Variants in LOXHD1 observed in about 807,000 individuals in gnomAD.
LOXHD1 encodes the protein lipoxygenase homology PLAT domains 1.
In LOXHD1, 205 loss-of-function variants were observed where a neutral mutation model predicts 248.2. That is an observed-to-expected ratio of 0.83 (90% CI 0.74 to 0.93). The LOEUF (loss-of-function observed/expected upper bound fraction) is 0.93. LOXHD1 is among the 40% of genes least tolerant of loss of function. The pLI is 0.00. For missense variants in LOXHD1, 2,930 were observed against 2,971.6 expected, an observed-to-expected ratio of 0.99 and a Z score of 0.33; for synonymous variants, 1,113 against 1,162.8, an observed-to-expected ratio of 0.96 and a Z score of 0.87.
At chr18:46,548,826 A>G (rs532986671) in intron 21 of LOXHD1, among the ~76,000 whole-genome samples, 2 of 152,320 alleles carry the variant, frequency 1.3e-5, no homozygotes, top group South Asian at 2.1e-4. Context: ...AAGCCCTCCC[A>G]TGCATACAAA....
intron 8 of LOXHD1, 62 bp downstream of exon 8, chr18:46,601,155 C>T: frequency 1.3e-6 from 2 of 1,512,838 alleles, no homozygotes; most frequent in Non-Finnish European, 1.8e-6. Flanking sequence ...AAAGTTTGTA[C>T]TTGCAAGTTA....
chr18:46,604,886 A>C (rs1055756301), intron 6 of LOXHD1, among the ~76,000 whole-genome samples: 2 of 152,204 alleles, frequency 1.3e-5, no homozygotes, highest in African/African-American at 4.8e-5. Flanking sequence ...GATAAGTAGA[A>C]TTGTTAATAG....
intron 37 of LOXHD1, among the ~76,000 whole-genome samples, chr18:46,500,997 T>C (rs1197993890): frequency 6.6e-6 from 1 of 152,180 alleles, no homozygotes; most frequent in Non-Finnish European, 1.5e-5. Context: ...TTTAAATTAA[T>C]TACTTGTTTA....
At chr18:46,626,691 G>A (rs531127063) in intron 4 of LOXHD1, among the ~76,000 whole-genome samples, 2 of 152,126 alleles carry the variant, frequency 1.3e-5, no homozygotes, top group African/African-American at 2.4e-5. Flanking sequence ...TTTAAAGAAT[G>A]GGAAGGAAAT....
intron 5 of LOXHD1, among the ~76,000 whole-genome samples, chr18:46,613,882 T>C (rs1422791469): frequency 6.6e-6 from 1 of 152,090 alleles, no homozygotes; most frequent in Non-Finnish European, 1.5e-5. Context: ...CCCTACAGAG[T>C]AGAAATTATT....
chr18:46,522,200 G>C lies in LOXHD1; in HGVS notation c.4986C>G (p.Ile1662Met). 1.3e-6 allele frequency: 2 copies of C among 1,551,774 alleles called. No individual in the cohort carries two copies. The highest frequency in any genetic ancestry group is 1.7e-6 in the Non-Finnish European group (2 of 1,147,010). Residue 1662 changes from isoleucine to methionine, a missense_variant, in exon 32 of 41, where the codon ATC (isoleucine) becomes ATG (methionine). Coordinates refer to ENST00000642948, the MANE Select transcript of LOXHD1 (RefSeq NM_001384474.1). ...TCTTCCCTCGGGGGTAGTCCAACCA[G>C]ATGCGCTTACTACGTTCATCATCCT... is the stretch of plus-strand genomic sequence containing the variant. Reference protein sequence around the residue: ...IGEDDERSKRIWLDYPRGKRG... With the variant: ...IGEDDERSKRMWLDYPRGKRG...
intron 21 of LOXHD1, among the ~76,000 whole-genome samples, chr18:46,553,732 G>A (rs2037203455): frequency 6.6e-6 from 1 of 152,176 alleles, no homozygotes; most frequent in Admixed American, 6.5e-5. Flanking sequence ...CTTTTTGTAG[G>A]TCAGATGATA....
chr18:46,648,554 T>C (rs2039063233), intron 2 of LOXHD1, among the ~76,000 whole-genome samples: 1 of 152,186 alleles, frequency 6.6e-6, no homozygotes, highest in African/African-American at 2.4e-5. Flanking sequence ...TGTTCTCAGG[T>C]TTTGCATGTA....
chr18:46,490,766 C>T (rs528483423), intron 37 of LOXHD1, among the ~76,000 whole-genome samples: 26 of 152,346 alleles, frequency 1.7e-4, no homozygotes, highest in African/African-American at 5.5e-4. Context: ...TGAGCCACCT[C>T]GCCCGGCGGT....
chr18:46,604,184 G>T lies in LOXHD1; in HGVS notation c.805C>A (p.Leu269Ile). ...IGNKRKYDFP[L>I]NRWLALDEDD... ...TCGTCCAAGGCCAGCCAGCGGTTAA[G>T]GGGGAAGTCATATTTTCTTTTGTTC... Residue 269 changes from leucine to isoleucine, a missense_variant, in exon 7 of 41, where the codon CTT becomes ATT. Transcript: ENST00000642948. The T allele has an allele frequency of 1.3e-6, 2 of 1,551,768 alleles. No individual in the cohort carries two copies. Among genetic ancestry groups the T allele is most frequent in the Non-Finnish European group, 1.7e-6 (2 of 1,147,004 alleles).
In LOXHD1 at chr18:46,592,038, T is replaced by C; in HGVS notation, c.1549A>G (p.Lys517Glu). ...MTLMNTLNKD[K>E]YNFNCNRWLD... ...CAGCGGTTGCAATTGAAGTTGTACT[T>C]GTCTTTGTTCAGAGTGTTCATCAGG... Residue 517 changes from lysine (K) to glutamate (E), a missense_variant, in exon 12 of 41, where the codon AAG becomes GAG. Transcript: ENST00000642948. 1 of 1,552,304 alleles carries C rather than the reference T, an allele frequency of 6.4e-7. No homozygotes were observed. The highest frequency in any genetic ancestry group is 1.2e-5 in the South Asian group (1 of 84,070).
chr18:46,560,680 G>T, intron 18 of LOXHD1, 135 bp from the exon 19 acceptor site: 1 of 801,620 alleles, frequency 1.2e-6, no homozygotes, highest in Non-Finnish European at 1.9e-6. Context: ...GGGCCTCTGT[G>T]CTCAGATCCT....
chr18:46,588,076 A>T (rs537199183), intron 12 of LOXHD1, among the ~76,000 whole-genome samples: 1 of 152,224 alleles, frequency 6.6e-6, no homozygotes, highest in East Asian at 1.9e-4. Context: ...GTCTTTACAC[A>T]TTATACATTT....
intron 15 of LOXHD1, among the ~76,000 whole-genome samples, chr18:46,570,441 A>T (rs2037730246): frequency 6.6e-6 from 1 of 152,198 alleles, no homozygotes; most frequent in African/African-American, 2.4e-5. Flanking sequence ...TCCTCCCACT[A>T]GGCAGAAGGA....
chr18:46,546,072 T>C lies in LOXHD1; in HGVS notation c.3515-651A>G, dbSNP rs145014695. Among the ~76,000 whole-genome samples, 1,020 of 152,058 alleles carry C rather than the reference T, an allele frequency of 6.7e-3. 11 individuals are homozygous for C. The highest frequency in any genetic ancestry group is 0.023 in the African/African-American group (965 of 41,468). ...TCAATCAATAGAGTTGATAGGATGG[T>C]TAGGGGATACTTTGAGGGTCAGAGG... On this transcript the variant is annotated intron_variant, in intron 22 of 40. Coordinates refer to ENST00000642948, the MANE Select transcript of LOXHD1 (RefSeq NM_001384474.1).
intron 20 of LOXHD1, chr18:46,557,804 G>A: frequency 8.2e-7 from 1 of 1,224,252 alleles, no homozygotes; most frequent in Non-Finnish European, 1.1e-6. Flanking sequence ...ATCTGTGGTG[G>A]GTGTTTTGTG....
At chr18:46,542,956 G>A (rs2144373583) in intron 23 of LOXHD1, 101 bp from the exon 24 acceptor site, 1 of 1,477,474 alleles carries the variant, frequency 6.8e-7, no homozygotes, top group Non-Finnish European at 9.2e-7. Flanking sequence ...CCAAATTTCT[G>A]AACTTCCACC....
intron 4 of LOXHD1, among the ~76,000 whole-genome samples, chr18:46,622,505 C>T (rs937482443): frequency 6.6e-6 from 1 of 152,170 alleles, no homozygotes; most frequent in African/African-American, 2.4e-5. Context: ...GTCTTGAACT[C>T]TCAGGCACTG....
intron 1 of LOXHD1, among the ~76,000 whole-genome samples, chr18:46,650,992 A>G (rs2144403929): frequency 6.6e-6 from 1 of 152,380 alleles, no homozygotes; most frequent in Admixed American, 6.5e-5. Flanking sequence ...CCTCTGGCAC[A>G]CAGAAGAAAC....
Sources: allele counts gnomAD v4.1 joint callset (sites outside exome capture counted in the v4.1 genomes callset), GRCh38; gene constraint gnomAD v4.1.1; transcripts MANE v1.5; gene names NCBI Gene and HGNC (gene_info 2026-07-23, HGNC 2026-07-21).